GARNL3: variants seen among roughly 807,000 people sequenced by gnomAD.
GARNL3 encodes the protein GTPase activating Rap/RanGAP domain like 3, also known as GTPase-activating Rap/Ran-GAP domain-like protein 3.
A neutral mutation model predicts 125.0 loss-of-function variants in GARNL3; 63 were observed. The observed-to-expected ratio is 0.50, with a 90% CI of 0.41 to 0.62. GARNL3 has a LOEUF of 0.62. Among genes scored for constraint, GARNL3 ranks in the 20% least tolerant of loss-of-function variants. GARNL3 has a pLI of 0.00. For synonymous variants in GARNL3, 439 were observed against 457.5 expected, an observed-to-expected ratio of 0.96 and a Z score of 0.52; for missense variants, 994 against 1,244.0, an observed-to-expected ratio of 0.80 and a Z score of 3.02.
chr9:127,318,030 C>G, intron 4 of GARNL3, 33 bp from the exon 5 acceptor site: 1 of 1,352,906 alleles, frequency 7.4e-7, no homozygotes, highest in Non-Finnish European at 1.1e-6. Flanking sequence ...AGTTGTAGAA[C>G]TTGTCACTGA....
At chr9:127,272,702 C>A (rs373071607) in intron 1 of GARNL3, among the ~76,000 whole-genome samples, 95 of 152,302 alleles carry the variant, frequency 6.2e-4, no homozygotes, top group African/African-American at 2.2e-3. Flanking sequence ...TGGTCTTGAT[C>A]TCCTGACCTC....
intron 17 of GARNL3, among the ~76,000 whole-genome samples, chr9:127,352,173 A>G (rs1349796430): frequency 6.6e-6 from 1 of 152,214 alleles, no homozygotes; most frequent in Non-Finnish European, 1.5e-5. Flanking sequence ...AACACTGGTG[A>G]AGAGAGCATG....
At chr9:127,379,112 G>C (rs1009827299) in intron 22 of GARNL3, among the ~76,000 whole-genome samples, 1 of 152,166 alleles carries the variant, frequency 6.6e-6, no homozygotes, top group Admixed American at 6.5e-5. Context: ...CTCCAAACCT[G>C]AGGGAACAAA....
chr9:127,316,660 A>G (rs963696113), intron 4 of GARNL3, among the ~76,000 whole-genome samples: 3 of 152,244 alleles, frequency 2.0e-5, no homozygotes, highest in African/African-American at 7.2e-5. Context: ...AGCTCAGCCC[A>G]GTTTCCTTGG....
At chr9:127,344,469 G>T in intron 15 of GARNL3, 130 bp downstream of exon 15, 1 of 688,672 alleles carries the variant, frequency 1.5e-6, no homozygotes, top group Non-Finnish European at 2.6e-6. Context: ...TAGGATTGTT[G>T]TGGCAACCAC....
rs1554897934 is a variant in GARNL3 at position 127,276,380 on chromosome 9, AT to A, written c.144+11372del. On this transcript the variant is annotated intron_variant, in intron 1 of 27. Coordinates refer to ENST00000373387, the MANE Select transcript of GARNL3 (RefSeq NM_032293.5). ...TGCCTCCCTGCTTCACCTTCTCAGC[AT>A]TTTTTTTTTTTTGATTCCTTCTTGT... 3.7e-3 allele frequency among the ~76,000 whole-genome samples: 509 copies of A among 136,434 alleles called. 1 individual carries two copies. The highest frequency in any genetic ancestry group is 0.015 in the Middle Eastern group (4 of 262). The allele number at this position is 136,434 out of a possible 152,430, so 89.5% of individuals were successfully genotyped here. A position where few individuals can be genotyped will look rare whatever the true frequency, so the allele number is the denominator to read the frequency against.
chr9:127,273,897 G>A (rs958322697), intron 1 of GARNL3, among the ~76,000 whole-genome samples: 1 of 151,992 alleles, frequency 6.6e-6, no homozygotes, highest in Non-Finnish European at 1.5e-5. Context: ...CTCCATTTGT[G>A]GCTTATCTCT....
In GARNL3 at chr9:127,331,720, C is replaced by CTTTTTTTTTTTTTTTTT. The variant is rs60448026; in HGVS notation, c.595-539_595-538insTTTTTTTTTTTTTTTTT. On this transcript the variant is annotated intron_variant, in intron 7 of 27. Coordinates refer to ENST00000373387, the MANE Select transcript of GARNL3 (RefSeq NM_032293.5). ...CTACTGCTTGCTTGGCTTGGGCTTG[C>CTTTTTTTTTTTTTTTTT]TTTTTTTTTTTTTTTCACATCTGTT... Among the ~76,000 whole-genome samples, 128 of 74,362 alleles carry CTTTTTTTTTTTTTTTTT rather than the reference C, an allele frequency of 1.7e-3. 12 individuals carry two copies. Among genetic ancestry groups the CTTTTTTTTTTTTTTTTT allele is most frequent in the Non-Finnish European group, 2.2e-3 (90 of 40,168 alleles). The allele number at this position is 74,362 out of a possible 152,430, so 48.8% of individuals were successfully genotyped here.
intron 21 of GARNL3, among the ~76,000 whole-genome samples, chr9:127,361,146 A>G (rs4454390): frequency 0.55 from 83,624 of 152,076 alleles, 23,419 homozygotes; most frequent in East Asian, 0.73. Context: ...GCCAGCTAGG[A>G]GAGGTACAGT....
intron 19 of GARNL3, among the ~76,000 whole-genome samples, chr9:127,354,812 G>A (rs1022162617): frequency 1.2e-4 from 18 of 151,900 alleles, no homozygotes; most frequent in African/African-American, 2.9e-4. Flanking sequence ...CTTTCCTTTC[G>A]GCAGAGTCTC....
chr9:127,390,993 A>C (rs1275939679), intron 27 of GARNL3, among the ~76,000 whole-genome samples: 1 of 152,186 alleles, frequency 6.6e-6, no homozygotes, highest in Non-Finnish European at 1.5e-5. Context: ...ATTCAAATCT[A>C]TTGAGACCTG....
chr9:127,239,653 T>C (rs1427687246), intron 1 of GARNL3, among the ~76,000 whole-genome samples: 1 of 152,232 alleles, frequency 6.6e-6, no homozygotes, highest in Non-Finnish European at 1.5e-5. Flanking sequence ...TCAACTGCTA[T>C]ATATTTTAAA....
chr9:127,294,085 G>T (rs758877539), intron 2 of GARNL3, among the ~76,000 whole-genome samples: 1 of 152,048 alleles, frequency 6.6e-6, no homozygotes, highest in Non-Finnish European at 1.5e-5. Flanking sequence ...ATAATGTGGG[G>T]CAGGGCTCCT....
chr9:127,393,417 G>A lies in GARNL3; in HGVS notation c.*163G>A. The stretch of plus-strand genomic sequence containing the variant: ...GCCAGTTCCCTCTCCAATGTCCGGT[G>A]CCATCTTTCCTGACCTTTGTTTCTT... On this transcript the variant is annotated 3_prime_UTR_variant, in exon 28 of 28. Coordinates refer to ENST00000373387, the MANE Select transcript of GARNL3 (RefSeq NM_032293.5). 1 of 524,138 alleles carries A rather than the reference G, an allele frequency of 1.9e-6. No homozygotes were observed. 32.5% of individuals were successfully genotyped at this position (524,138 alleles called of 1,614,324 possible).
intron 3 of GARNL3, among the ~76,000 whole-genome samples, chr9:127,312,829 C>T (rs62578834): frequency 0.01 from 1,561 of 152,278 alleles, 19 homozygotes; most frequent in Non-Finnish European, 0.015. Context: ...TCTTCCCAAA[C>T]GCTTGCAAGT....
intron 2 of GARNL3, among the ~76,000 whole-genome samples, chr9:127,296,004 T>C (rs1183646790): frequency 6.6e-6 from 1 of 152,208 alleles, no homozygotes; most frequent in Non-Finnish European, 1.5e-5. Context: ...CTGGGAGTTA[T>C]AGGAGACAGT....
At position 127,313,455 on chromosome 9, in the gene GARNL3, A is replaced by C. The variant is rs2131474047; in HGVS notation, c.334A>C (p.Ile112Leu). The C allele has an allele frequency of 6.2e-7, 1 of 1,613,534 alleles. No individual in the cohort carries two copies. The highest frequency in any genetic ancestry group is 8.5e-7 in the Non-Finnish European group (1 of 1,179,464). The change falls in exon 4 of 28, where the codon ATT becomes CTT. Residue 112 changes from isoleucine (I) to leucine (L), a missense_variant. Transcript: ENST00000373387. ...TTCTTTTCCAGTCCATCAGAACTAC[A>C]TTGGAAACGATGCCGAGAAGAGCCC... is the stretch of plus-strand genomic sequence containing the variant. ...YFLGQVHQNY[I>L]GNDAEKSPFF...
intron 1 of GARNL3, among the ~76,000 whole-genome samples, chr9:127,231,010 GTATATATACATATATGTA>G (rs1162922221): frequency 8.0e-6 from 1 of 124,422 alleles, no homozygotes; most frequent in Non-Finnish European, 1.6e-5. Context: ...ACACATATGT[GTATATATACATATATGTA>G]TATATACATA....
rs1036826574 is a variant in GARNL3, at chr9:127,359,848, A to G, written c.2094+2471A>G. Among the ~76,000 whole-genome samples, 6 of 151,918 alleles carry G rather than the reference A, an allele frequency of 3.9e-5. No individual in the cohort carries two copies. In the South Asian group the frequency reaches 8.3e-4, roughly 21 times the overall value. On this transcript the variant is annotated intron_variant, in intron 21 of 27. Coordinates refer to ENST00000373387, the MANE Select transcript of GARNL3 (RefSeq NM_032293.5). ...ATTCATTATAGGATTTCTTTTTCCT[A>G]TGATTTGTAAAGACCCTGGATAAAT...
Sources: allele counts gnomAD v4.1 joint callset (sites outside exome capture counted in the v4.1 genomes callset), GRCh38; gene constraint gnomAD v4.1.1; transcripts MANE v1.5; gene names NCBI Gene and HGNC (gene_info 2026-07-23, HGNC 2026-07-21).